Variants in LDLRAD4 observed in about 807,000 individuals in gnomAD.
LDLRAD4 encodes low-density lipoprotein receptor class A domain-containing protein 4.
A neutral mutation model predicts 17.0 loss-of-function variants in LDLRAD4; 5 were observed. The ratio of observed to expected loss-of-function variants is 0.29; its 90% CI spans 0.15 to 0.62. The LOEUF (loss-of-function observed/expected upper bound fraction) is 0.62. Among genes scored for constraint, LDLRAD4 ranks in the 20% least tolerant of loss-of-function variants. The pLI is 0.84. For missense variants in LDLRAD4, 340 were observed against 424.7 expected (o/e 0.80, Z 1.75); for synonymous variants, 168 against 171.8 (o/e 0.98, Z 0.17).
chr18:13,311,023 A>G (rs1190340749), intron 1 of LDLRAD4, among the ~76,000 whole-genome samples: 1 of 152,226 alleles, frequency 6.6e-6, no homozygotes, highest in Non-Finnish European at 1.5e-5. Flanking sequence ...AAATGCAGAA[A>G]GTGATACCTC....
rs201545326 is a variant in LDLRAD4, at chr18:13,347,400, C to G, written c.-382-39941C>G. Among the ~76,000 whole-genome samples the G allele has an allele frequency of 2.0e-4, 31 of 152,282 alleles. No homozygotes were observed. The East Asian group carries it at 5.6e-3, about 27-fold the overall frequency. On this transcript the variant is annotated intron_variant, in intron 1 of 5. Coordinates refer to ENST00000359446, the Ensembl canonical transcript of LDLRAD4. The stretch of plus-strand genomic sequence containing the variant: ...TCTTTAAGAATGTTGAATATTGGCT[C>G]CCACTCTCTTCTGGCTTGTAGAGTT...
At chr18:13,252,588 A>G (rs2043280297) in intron 1 of LDLRAD4, among the ~76,000 whole-genome samples, 1 of 152,116 alleles carries the variant, frequency 6.6e-6, no homozygotes, top group African/African-American at 2.4e-5. Flanking sequence ...ACAATTACAG[A>G]CTGATGACGA....
Position 13,446,560 on chromosome 18 carries a change from C to G in LDLRAD4, c.181+8176C>G, listed in dbSNP as rs1242948231. Among the ~76,000 whole-genome samples the G allele has an allele frequency of 3.3e-5, 5 of 152,232 alleles. No individual in the cohort carries two copies. In the East Asian group the frequency reaches 9.6e-4, roughly 29 times the overall value. On this transcript the variant is annotated intron_variant, in intron 3 of 5. Coordinates refer to ENST00000359446, the Ensembl canonical transcript of LDLRAD4. ...TGATTCTGTTGATTCCTTGGGATTT[C>G]CTCTACAAACTGATAAGCTATCCCT...
At position 13,473,678 on chromosome 18, in the gene LDLRAD4, T is replaced by TATAAAA. The variant is rs374731826; in HGVS notation, c.181+35295_181+35296insTAAAAA. ...ATATATATATATATATATATATATA[T>TATAAAA]AACGTTTACATTTTATATATATTTA... On this transcript the variant is annotated intron_variant, in intron 3 of 5. Transcript: ENST00000359446. 2.1e-3 allele frequency among the ~76,000 whole-genome samples: 165 copies of TATAAAA among 79,942 alleles called. 1 individual carries two copies. Among genetic ancestry groups the TATAAAA allele is most frequent in the Non-Finnish European group, 2.7e-3 (121 of 44,386 alleles). The allele number at this position is 79,942 out of a possible 152,430, so 52.4% of individuals were successfully genotyped here.
intron 3 of LDLRAD4, chr18:13,489,974 AG>A (rs1156890047): frequency 6.6e-6 from 1 of 152,182 alleles, no homozygotes; most frequent in Non-Finnish European, 1.5e-5. Flanking sequence ...TCATGATAAA[AG>A]GGAATAAAAT....
chr18:13,318,763 C>CT (rs1369864085), intron 1 of LDLRAD4, among the ~76,000 whole-genome samples: 4 of 152,168 alleles, frequency 2.6e-5, no homozygotes, highest in Non-Finnish European at 5.9e-5. Flanking sequence ...CACTGTGGTG[C>CT]TGCCTGGGCC....
chr18:13,348,878 G>A (rs1352164688), intron 1 of LDLRAD4, among the ~76,000 whole-genome samples: 1 of 152,294 alleles, frequency 6.6e-6, no homozygotes, highest in East Asian at 1.9e-4. Context: ...AGCCAGGCAC[G>A]GGATATAATC....
At chr18:13,341,759 G>A (rs1023147389) in intron 1 of LDLRAD4, among the ~76,000 whole-genome samples, 2 of 152,070 alleles carry the variant, frequency 1.3e-5, no homozygotes, top group African/African-American at 2.4e-5. Context: ...TGGCTAGGAC[G>A]TGTACTGTGT....
At chr18:13,353,686 A>C (rs2083174055) in intron 1 of LDLRAD4, among the ~76,000 whole-genome samples, 1 of 152,222 alleles carries the variant, frequency 6.6e-6, no homozygotes, top group Non-Finnish European at 1.5e-5. Context: ...ATTGCAAATT[A>C]GGTCAGGTCT....
intron 1 of LDLRAD4, among the ~76,000 whole-genome samples, chr18:13,219,535 G>A (rs2041333755): frequency 6.6e-6 from 1 of 152,162 alleles, no homozygotes; most frequent in Non-Finnish European, 1.5e-5. Flanking sequence ...CCTACTATGT[G>A]TTAGGCATTG....
rs141888471 is a variant in LDLRAD4, at chr18:13,367,874, C to T, written c.-382-19467C>T. Among the ~76,000 whole-genome samples, 299 of 151,412 alleles carry T rather than the reference C, an allele frequency of 2.0e-3. 1 individual carries two copies. The highest frequency in any genetic ancestry group is 6.9e-3 in the African/African-American group (284 of 41,276). On this transcript the variant is annotated intron_variant, in intron 1 of 5. Coordinates refer to ENST00000359446, the Ensembl canonical transcript of LDLRAD4. This position sits in a 1 kb window ranked among gnomAD's most constrained non-coding sequence, Gnocchi z 4.1. ...TATCAAGGGGTGTATCGAGAGGGGACGACTGGGCATGGGGGCGTGTGCCTG... is the reference window on the plus strand; with the variant it reads ...TATCAAGGGGTGTATCGAGAGGGGATGACTGGGCATGGGGGCGTGTGCCTG...
intron 1 of LDLRAD4, among the ~76,000 whole-genome samples, chr18:13,326,254 A>G (rs55882226): frequency 0.2 from 30,203 of 152,110 alleles, 3,654 homozygotes; most frequent in South Asian, 0.29. Flanking sequence ...ATGTTTCCTT[A>G]AAGGGGGGAA....
At chr18:13,325,651 C>T (rs949259) in intron 1 of LDLRAD4, among the ~76,000 whole-genome samples, 53,817 of 152,158 alleles carry the variant, frequency 0.35, 10,043 homozygotes, top group African/African-American at 0.47. Flanking sequence ...CCGATCCCGG[C>T]ACTCAGCTTC....
chr18:13,301,912 G>A (rs1026059516), intron 1 of LDLRAD4, among the ~76,000 whole-genome samples: 1 of 152,172 alleles, frequency 6.6e-6, no homozygotes, highest in Admixed American at 6.5e-5. Flanking sequence ...GGAGGGACCA[G>A]CCCCGCTGGG....
At chr18:13,318,190 C>T (rs1016634904) in intron 1 of LDLRAD4, among the ~76,000 whole-genome samples, 2 of 152,150 alleles carry the variant, frequency 1.3e-5, no homozygotes, top group Non-Finnish European at 2.9e-5. Context: ...GCTTTCCCTG[C>T]GCACCACTGC....
At chr18:13,299,746 G>T (rs922143039) in intron 1 of LDLRAD4, among the ~76,000 whole-genome samples, 1 of 152,136 alleles carries the variant, frequency 6.6e-6, no homozygotes, top group Non-Finnish European at 1.5e-5. Context: ...GGAGGCTGAA[G>T]CAGGAGGACC....
At chr18:13,312,580 A>G (rs1011470304) in intron 1 of LDLRAD4, among the ~76,000 whole-genome samples, 1 of 152,126 alleles carries the variant, frequency 6.6e-6, no homozygotes, top group East Asian at 1.9e-4. Flanking sequence ...CATCCCTACA[A>G]AATGTACAGA....
intron 3 of LDLRAD4, among the ~76,000 whole-genome samples, chr18:13,595,087 GC>G (rs2095078728): frequency 6.6e-6 from 1 of 151,906 alleles, no homozygotes; most frequent in Non-Finnish European, 1.5e-5. Context: ...TAATAATGTT[GC>G]CCCTTTCATT....
chr18:13,442,961 G>A (rs1481050718), intron 3 of LDLRAD4, among the ~76,000 whole-genome samples: 1 of 152,104 alleles, frequency 6.6e-6, no homozygotes, highest in Non-Finnish European at 1.5e-5. Flanking sequence ...AATCTGATTC[G>A]GGGAAAGCAG....
Sources: gnomAD v4.1 joint callset for allele counts (sites outside exome capture counted in the v4.1 genomes callset) on GRCh38, gnomAD v4.1.1 for gene constraint, Gnocchi (gnomAD v3.1) non-coding constraint, MANE v1.5 for transcripts, NCBI Gene and HGNC (gene_info 2026-07-23, HGNC 2026-07-21) for gene names.